Variants in HNRNPF observed in about 807,000 individuals in gnomAD.
The protein encoded by HNRNPF is heterogeneous nuclear ribonucleoprotein F.
HNRNPF carries 2 observed loss-of-function variants against 26.0 expected under a neutral mutation model. The observed-to-expected ratio is 0.08, with a 90% CI of 0.03 to 0.24. The LOEUF (loss-of-function observed/expected upper bound fraction) is 0.24. Among genes scored for constraint, HNRNPF ranks in the 10% least tolerant of loss-of-function variants. The probability of loss-of-function intolerance (pLI) is 1.00; values close to 1 mark genes in which losing one functional copy is unlikely to be tolerated. For missense variants in HNRNPF, 299 were observed against 539.2 expected (o/e 0.55, Z 4.41); for synonymous variants, 234 against 211.5 (o/e 1.11, Z -0.92).
Position 43,385,786 on chromosome 10 carries a change from G to A in HNRNPF, c.*851C>T, listed in dbSNP as rs1838000151. ...CAGTGCACATAAGTTGCAGGTGGCT[G>A]GGGCCGTGTGTCTATTTGATGCTTC... On this transcript the variant is annotated 3_prime_UTR_variant, in exon 4 of 4. Coordinates refer to ENST00000682386, the MANE Select transcript of HNRNPF (RefSeq NM_001098204.2). 6.6e-6 allele frequency: 1 copy of A among 152,242 alleles called. No homozygotes were observed. The highest frequency in any genetic ancestry group is 2.4e-5 in the African/African-American group (1 of 41,450). The allele number at this position is 152,242 out of a possible 1,614,324, so 9.4% of individuals were successfully genotyped here.
At chr10:43,397,797 A>G (rs1838605835) in intron 1 of HNRNPF, among the ~76,000 whole-genome samples, 1 of 152,184 alleles carries the variant, frequency 6.6e-6, no homozygotes, top group Non-Finnish European at 1.5e-5. Context: ...AGAATTGTAA[A>G]TTTTGTTGTC....
chr10:43,388,051 G>A (rs937408608), intron 3 of HNRNPF, 115 bp from the exon 4 acceptor site: 7 of 598,076 alleles, frequency 1.2e-5, no homozygotes, highest in Middle Eastern at 4.4e-4. Context: ...TGAGAGCTAA[G>A]AGTTAACTCC....
Position 43,387,447 on chromosome 10 carries a change from G to A in HNRNPF, c.438C>T (p.Asp146=). The change falls in exon 4 of 4, where the codon GAC becomes GAT. Residue 146 remains aspartate, a synonymous_variant. Transcript: ENST00000682386. This position sits in a 1 kb window ranked among gnomAD's most constrained non-coding sequence, Gnocchi z 6.0. ...IVPNGITLPV[D]PEGKITGEAF... ...CTTCCCCTGTAATCTTGCCTTCGGG[G>A]TCCACAGGCAATGTGATCCCGTTTG... The A allele has an allele frequency of 1.2e-6, 2 of 1,614,166 alleles. No homozygotes were observed. The highest frequency in any genetic ancestry group is 1.7e-6 in the Non-Finnish European group (2 of 1,180,040).
intron 1 of HNRNPF, among the ~76,000 whole-genome samples, chr10:43,406,817 ACT>A (rs1316398227): frequency 6.6e-6 from 1 of 152,002 alleles, no homozygotes; most frequent in African/African-American, 2.4e-5. Context: ...GCCGATAATG[ACT>A]CTAATCTACA....
At chr10:43,407,989 A>T (rs573468111) in intron 1 of HNRNPF, among the ~76,000 whole-genome samples, 2 of 152,326 alleles carry the variant, frequency 1.3e-5, no homozygotes, top group South Asian at 4.1e-4. Context: ...GCAGTGGCAC[A>T]ATCACTGTCA....
At position 43,386,901 on chromosome 10, in the gene HNRNPF, C is replaced by T. The variant is rs140104128; in HGVS notation, c.984G>A (p.Thr328=). ...HIEIGPDGRV[T]GEADVEFATH... is the part of the protein sequence containing the mutation. ...TAGCAAACTCAACATCTGCTTCACCCGTCACTCTTCCATCTGGGCCAATCT... is the reference window on the plus strand; with the variant it reads ...TAGCAAACTCAACATCTGCTTCACCTGTCACTCTTCCATCTGGGCCAATCT... Residue 328 remains threonine (T), a synonymous_variant, in exon 4 of 4, where the codon ACG becomes ACA. Coordinates refer to ENST00000682386, the MANE Select transcript of HNRNPF (RefSeq NM_001098204.2). The T allele has an allele frequency of 1.9e-5, 31 of 1,614,074 alleles. No individual in the cohort carries two copies. The highest frequency in any genetic ancestry group is 5.3e-5 in the African/African-American group (4 of 74,916).
Position 43,393,501 on chromosome 10 carries a change from C to A in HNRNPF, c.-53+1129G>T, listed in dbSNP as rs111613893. Reference sequence around the variant, plus strand: ...TCCCAGCTACTCAGGAAGGCTGAGGCAGGAGAATCGCTTGAACCTGGGAGG... The same window carrying A: ...TCCCAGCTACTCAGGAAGGCTGAGGAAGGAGAATCGCTTGAACCTGGGAGG... On this transcript the variant is annotated intron_variant, in intron 3 of 3. Coordinates refer to ENST00000682386, the MANE Select transcript of HNRNPF (RefSeq NM_001098204.2). Among the ~76,000 whole-genome samples, 4 of 152,062 alleles carry A rather than the reference C, an allele frequency of 2.6e-5. 1 individual carries two copies. The highest frequency in any genetic ancestry group is 9.6e-5 in the African/African-American group (4 of 41,464).
At chr10:43,406,703 C>T (rs1838930137) in intron 1 of HNRNPF, among the ~76,000 whole-genome samples, 1 of 151,982 alleles carries the variant, frequency 6.6e-6, no homozygotes, top group Non-Finnish European at 1.5e-5. Flanking sequence ...AAAAATAATA[C>T]ATATTTTTTT....
At position 43,386,534 on chromosome 10, in the gene HNRNPF, T is replaced by C. The variant is rs1358160495; in HGVS notation, c.*103A>G. On this transcript the variant is annotated 3_prime_UTR_variant, in exon 4 of 4. Transcript: ENST00000682386. Reference sequence around the variant, plus strand: ...TTAATCCAGATTTTTCACAAACTCATGGTGCAAAATGGGTCCCCCAGCTTC... The same window carrying C: ...TTAATCCAGATTTTTCACAAACTCACGGTGCAAAATGGGTCCCCCAGCTTC... The C allele has an allele frequency of 6.3e-6, 7 of 1,111,430 alleles. No homozygotes were observed. In the East Asian group the frequency reaches 1.5e-4, roughly 24 times the overall value. The allele number at this position is 1,111,430 out of a possible 1,614,324, so 68.8% of individuals were successfully genotyped here.
At chr10:43,404,846 C>T (rs929883846) in intron 1 of HNRNPF, among the ~76,000 whole-genome samples, 1 of 152,020 alleles carries the variant, frequency 6.6e-6, no homozygotes, top group Non-Finnish European at 1.5e-5. Context: ...AAACCAAAAC[C>T]AAAAACTACC....
At chr10:43,406,445 G>C (rs757037756) in intron 1 of HNRNPF, among the ~76,000 whole-genome samples, 3 of 152,184 alleles carry the variant, frequency 2.0e-5, no homozygotes, top group Non-Finnish European at 4.4e-5. Context: ...TGTAATCCCA[G>C]CACTTTGGGA....
At chr10:43,404,194 G>C (rs550569577) in intron 1 of HNRNPF, among the ~76,000 whole-genome samples, 11 of 150,938 alleles carry the variant, frequency 7.3e-5, no homozygotes, top group African/African-American at 2.7e-4. Context: ...TGTAATCCCA[G>C]CTGCTCACGA....
intron 1 of HNRNPF, among the ~76,000 whole-genome samples, chr10:43,406,951 G>A (rs1000104704): frequency 3.3e-5 from 5 of 152,132 alleles, no homozygotes; most frequent in Admixed American, 6.5e-5. Context: ...TAAATTCTGT[G>A]AGAGCAACGA....
intron 3 of HNRNPF, among the ~76,000 whole-genome samples, chr10:43,391,294 A>C (rs1249545790): frequency 6.7e-4 from 49 of 72,990 alleles, no homozygotes; most frequent in African/African-American, 5.6e-3. Flanking sequence ...CTCTGTCTCA[A>C]AAAAAAAAAA....
intron 3 of HNRNPF, among the ~76,000 whole-genome samples, chr10:43,393,583 C>CA (rs747753339): frequency 1.4e-5 from 2 of 146,982 alleles, no homozygotes; most frequent in African/African-American, 2.6e-5. Flanking sequence ...GCAACAGGAG[C>CA]AAAACTCCAT....
chr10:43,387,096 G>T lies in HNRNPF; in HGVS notation c.789C>A (p.Asp263Glu), dbSNP rs780622774. The change falls in exon 4 of 4, where the codon GAC becomes GAA. Residue 263 changes from aspartate (D) to glutamate (E), a missense_variant. Physicochemically the swap from Asp to Glu is conservative, Grantham distance 45 (BLOSUM62 2). Around this residue, in one of 6 missense-constraint regions of HNRNPF, gnomAD observed 74 missense variants for 77.7 expected, o/e 0.95. Coordinates refer to ENST00000682386, the MANE Select transcript of HNRNPF (RefSeq NM_001098204.2). The surrounding 1 kb of genome is among the most constrained non-coding windows in gnomAD (Gnocchi z 6.0). ...YGFTTDLFGR[D>E]LSYCLSGMYD... The stretch of plus-strand genomic sequence containing the variant: ...ACATTCCGGAGAGACAGTAGCTGAG[G>T]TCTCTCCCGAACAGGTCGGTGGTGA... 1.2e-6 allele frequency: 2 copies of T among 1,613,516 alleles called. No individual in the cohort carries two copies. The highest frequency in any genetic ancestry group is 1.7e-6 in the Non-Finnish European group (2 of 1,180,042).
intron 2 of HNRNPF, among the ~76,000 whole-genome samples, chr10:43,395,912 G>C (rs1838474906): frequency 1.3e-5 from 2 of 152,182 alleles, no homozygotes; most frequent in Non-Finnish European, 2.9e-5. Flanking sequence ...CGCACGCAGA[G>C]GAAGAGTCTG....
intron 1 of HNRNPF, among the ~76,000 whole-genome samples, chr10:43,407,077 T>C (rs1838943806): frequency 6.6e-6 from 1 of 152,134 alleles, no homozygotes. Context: ...AAAATATAAC[T>C]AAGTAGAAAG....
intron 1 of HNRNPF, among the ~76,000 whole-genome samples, chr10:43,398,826 G>A (rs1838657620): frequency 6.6e-6 from 1 of 151,930 alleles, no homozygotes; most frequent in African/African-American, 2.4e-5. Flanking sequence ...TAATACAACT[G>A]TTTGTAAAAC....
Sources: gnomAD v4.1 joint callset for allele counts (sites outside exome capture counted in the v4.1 genomes callset) on GRCh38, gnomAD v4.1.1 for gene constraint, gnomAD v4.1.1 regional missense constraint, Gnocchi (gnomAD v3.1) non-coding constraint, MANE v1.5 for transcripts, NCBI Gene and HGNC (gene_info 2026-07-23, HGNC 2026-07-21) for gene names.